Variants in CDH3 observed in about 807,000 individuals in gnomAD.
CDH3 encodes cadherin 3.
CDH3 carries 54 observed loss-of-function variants against 82.0 expected under a neutral mutation model. That is an observed-to-expected ratio of 0.66 (90% CI 0.53 to 0.83). The LOEUF (loss-of-function observed/expected upper bound fraction) is 0.83. Among genes scored for constraint, CDH3 ranks in the 40% least tolerant of loss-of-function variants. CDH3 has a pLI of 0.00. For synonymous variants in CDH3, 446 were observed against 437.9 expected (o/e 1.02, Z -0.23); for missense variants, 1,054 against 1,084.6 (o/e 0.97, Z 0.40).
At chr16:68,728,003 T>C (rs1358271662), downstream of CDH3, among the ~76,000 whole-genome samples, 3 of 152,218 alleles carry the variant, frequency 2.0e-5, no homozygotes, top group African/African-American at 4.8e-5. Context: ...AGGCGTACTA[T>C]AGTGCACTCC....
rs149418991 is a variant in CDH3, at chr16:68,662,150, C to T, written c.161-14235C>T. On this transcript the variant is annotated intron_variant, in intron 2 of 15. Coordinates refer to ENST00000264012, the MANE Select transcript of CDH3 (RefSeq NM_001793.6). ...TGTTGAATTGGGATCTGAAAGATGT[C>T]AGGAGTTAACTGTGTAAAATCGGGA... Among the ~76,000 whole-genome samples the T allele has an allele frequency of 2.4e-4, 37 of 152,218 alleles. 1 individual carries two copies. The East Asian group carries it at 7.1e-3, about 29-fold the overall frequency.
downstream of CDH3, among the ~76,000 whole-genome samples, chr16:68,730,356 G>A (rs993598199): frequency 4.6e-5 from 7 of 151,042 alleles, 1 homozygote; most frequent in South Asian, 2.1e-4. Context: ...CAGAAACCCC[G>A]TCTCTACTAA....
At chr16:68,677,399 T>C (rs1961061421) in intron 3 of CDH3, among the ~76,000 whole-genome samples, 1 of 152,228 alleles carries the variant, frequency 6.6e-6, no homozygotes, top group Non-Finnish European at 1.5e-5. Context: ...AATGCTAAAC[T>C]CTATTAAGCT....
At chr16:68,732,151 G>GCAACC (rs1555509246), downstream of CDH3, among the ~76,000 whole-genome samples, 1 of 151,746 alleles carries the variant, frequency 6.6e-6, no homozygotes, top group African/African-American at 2.4e-5. Context: ...ATGCTGGCAG[G>GCAACC]CAGCCCAGCC....
intron 1 of CDH3, among the ~76,000 whole-genome samples, chr16:68,719,502 C>CTTTTTTTTTTTTT (rs71148939): frequency 2.7e-5 from 2 of 74,512 alleles, no homozygotes. Flanking sequence ...TGGAACTGTT[C>CTTTTTTTTTTTTT]TTTTTTTTTT....
chr16:68,661,226 A>C (rs1374980225), intron 2 of CDH3, among the ~76,000 whole-genome samples: 1 of 152,224 alleles, frequency 6.6e-6, no homozygotes. Flanking sequence ...TGAAGTTTGC[A>C]TGAAATATAT....
At chr16:68,647,058 T>A (rs910013200) in intron 2 of CDH3, among the ~76,000 whole-genome samples, 1 of 152,168 alleles carries the variant, frequency 6.6e-6, no homozygotes, top group African/African-American at 2.4e-5. Context: ...AACCCTTGGC[T>A]GTAGGGAGCT....
At chr16:68,717,319 G>A (rs1012355403) in intron 1 of CDH3, among the ~76,000 whole-genome samples, 21 of 152,202 alleles carry the variant, frequency 1.4e-4, no homozygotes, top group African/African-American at 5.1e-4. Context: ...CATACCAAAG[G>A]CTAACAAGGA....
At chr16:68,733,525 T>C in the CDH3 span, among the ~76,000 whole-genome samples, 4 of 152,094 alleles carry the variant, frequency 2.6e-5, no homozygotes, top group South Asian at 6.2e-4. Context: ...GGTGGATCAC[T>C]TGAGGTCAGG....
At chr16:68,730,231 TAAA>T (rs35972238), downstream of CDH3, among the ~76,000 whole-genome samples, 16 of 133,652 alleles carry the variant, frequency 1.2e-4, no homozygotes, top group Admixed American at 2.3e-4. Context: ...AGACTCCACC[TAAA>T]AAAAAAAAAA....
At chr16:68,728,218 C>A (rs1478095887), downstream of CDH3, among the ~76,000 whole-genome samples, 14 of 152,014 alleles carry the variant, frequency 9.2e-5, no homozygotes, top group Non-Finnish European at 2.1e-4. Context: ...CAGGCTGGAG[C>A]GCAGTGGCAC....
At chr16:68,679,425 G>A (rs1961140036) in intron 6 of CDH3, among the ~76,000 whole-genome samples, 2 of 152,156 alleles carry the variant, frequency 1.3e-5, no homozygotes, top group African/African-American at 4.8e-5. Context: ...TGGGCGCGGT[G>A]GCCCACGCCT....
At chr16:68,723,866 G>A (rs192253604) in intron 2 of CDH3, among the ~76,000 whole-genome samples, 7,324 of 152,242 alleles carry the variant, frequency 0.048, 232 homozygotes, top group Middle Eastern at 0.1. Flanking sequence ...TCAGGAGATC[G>A]AGACCATCCC....
intron 2 of CDH3, among the ~76,000 whole-genome samples, chr16:68,657,984 TGC>T (rs2152092307): frequency 6.6e-6 from 1 of 152,182 alleles, no homozygotes; most frequent in South Asian, 2.1e-4. Context: ...TAAGAGTGCA[TGC>T]GCATCTTTCT....
intron 12 of CDH3, among the ~76,000 whole-genome samples, chr16:68,690,674 C>A (rs574637324): frequency 6.6e-6 from 1 of 151,788 alleles, no homozygotes; most frequent in African/African-American, 2.4e-5. Flanking sequence ...TCTGGGAGGC[C>A]GAGGAAGGTG....
At chr16:68,728,885 A>G (rs1050068329), downstream of CDH3, among the ~76,000 whole-genome samples, 3 of 152,226 alleles carry the variant, frequency 2.0e-5, no homozygotes, top group Non-Finnish European at 4.4e-5. Context: ...GGCAACACTT[A>G]TAAAATATTT....
chr16:68,695,371 G>T lies in CDH3; in HGVS notation c.2119G>T (p.Gly707Cys). The change falls in exon 14 of 16, where the codon GGC becomes TGC. Residue 707 changes from glycine to cysteine, a missense_variant. Transcript: ENST00000264012. ...NVFYYGEEGG[G>C]EEDQDYDITQ... is the part of the protein sequence containing the mutation. Reference sequence around the variant, plus strand: ...CTTCTACTATGGCGAAGAGGGGGGTGGCGAAGAGGACCAGGTGGGGCACTG... The same window carrying T: ...CTTCTACTATGGCGAAGAGGGGGGTTGCGAAGAGGACCAGGTGGGGCACTG... 1 of 1,612,220 alleles carries T rather than the reference G, an allele frequency of 6.2e-7. No homozygotes were observed. Among genetic ancestry groups the T allele is most frequent in the South Asian group, 1.1e-5 (1 of 90,710 alleles).
chr16:68,683,260 A>T (rs962127848), intron 9 of CDH3, among the ~76,000 whole-genome samples: 1 of 152,218 alleles, frequency 6.6e-6, no homozygotes, highest in Non-Finnish European at 1.5e-5. Flanking sequence ...TTGTAATGCC[A>T]CTTCGACATT....
At chr16:68,692,627 A>C (rs1248560478) in intron 13 of CDH3, among the ~76,000 whole-genome samples, 1 of 152,250 alleles carries the variant, frequency 6.6e-6, no homozygotes, top group Admixed American at 6.5e-5. Context: ...CAAGCTCCCA[A>C]GGCATTCTGA....
Sources: allele counts gnomAD v4.1 joint callset (sites outside exome capture counted in the v4.1 genomes callset), GRCh38; gene constraint gnomAD v4.1.1; transcripts MANE v1.5; gene names NCBI Gene and HGNC (gene_info 2026-07-23, HGNC 2026-07-21).